Variants in DCAF13 observed in about 807,000 individuals in gnomAD.
The protein encoded by DCAF13 is DDB1 and CUL4 associated factor 13, also known as DDB1- and CUL4-associated factor 13.
In DCAF13, 38 loss-of-function variants were observed where a neutral mutation model predicts 59.0. The ratio of observed to expected loss-of-function variants is 0.64; its 90% CI spans 0.50 to 0.84. The LOEUF (loss-of-function observed/expected upper bound fraction) is 0.84. Among genes scored for constraint, DCAF13 ranks in the 40% least tolerant of loss-of-function variants. DCAF13 has a pLI of 0.00. For missense variants in DCAF13, 469 were observed against 558.4 expected (o/e 0.84, Z 1.61); for synonymous variants, 173 against 175.0 (o/e 0.99, Z 0.09).
At chr8:103,423,577 A>T (rs1816751529) in intron 3 of DCAF13, among the ~76,000 whole-genome samples, 1 of 152,170 alleles carries the variant, frequency 6.6e-6, no homozygotes, top group South Asian at 2.1e-4. Flanking sequence ...AAGAGACAAA[A>T]TTTCAAATAG....
At chr8:103,437,931 A>C (rs946106973) in intron 8 of DCAF13, among the ~76,000 whole-genome samples, 1 of 152,208 alleles carries the variant, frequency 6.6e-6, no homozygotes, top group Non-Finnish European at 1.5e-5. Flanking sequence ...GACTGTGTAT[A>C]TAAAGAATTT....
intron 8 of DCAF13, among the ~76,000 whole-genome samples, chr8:103,436,285 T>C (rs538859138): frequency 6.6e-6 from 1 of 152,322 alleles, no homozygotes; most frequent in Non-Finnish European, 1.5e-5. Context: ...TTTGTTATTT[T>C]TTACTTAGTC....
intron 10 of DCAF13, chr8:103,442,007 G>A (rs970780363): frequency 5.5e-5 from 9 of 162,258 alleles, no homozygotes; most frequent in African/African-American, 1.2e-4. Flanking sequence ...CCTCGTGATC[G>A]CCTGCCTCGG....
chr8:103,436,207 G>T (rs534584968), intron 8 of DCAF13, among the ~76,000 whole-genome samples: 1 of 151,820 alleles, frequency 6.6e-6, no homozygotes, highest in South Asian at 2.1e-4. Context: ...TTTCTGAGAG[G>T]GTACCTGAGT....
intron 1 of DCAF13, among the ~76,000 whole-genome samples, chr8:103,418,081 T>C (rs1454154430): frequency 1.3e-5 from 2 of 151,328 alleles, no homozygotes; most frequent in Non-Finnish European, 2.9e-5. Flanking sequence ...TGAGCCGAGA[T>C]TGCGCCACTG....
At chr8:103,417,637 GTCTCAAAAAAAAAAAAAAAAAAAGAAC>G (rs1816639586) in intron 1 of DCAF13, among the ~76,000 whole-genome samples, 2 of 118,898 alleles carry the variant, frequency 1.7e-5, no homozygotes, top group Non-Finnish European at 3.3e-5. Context: ...GGGAGACTCC[GTCTCAAAAAAAAAAAAAAAAAAAGAAC>G]ATCTTTAATT....
At chr8:103,416,841 ATTT>A (rs1468144798) in intron 1 of DCAF13, among the ~76,000 whole-genome samples, 4 of 152,198 alleles carry the variant, frequency 2.6e-5, no homozygotes, top group Admixed American at 2.6e-4. Flanking sequence ...ACATGAAGAG[ATTT>A]AGAAACAAAA....
At chr8:103,416,338 A>G (rs1816612545) in intron 1 of DCAF13, among the ~76,000 whole-genome samples, 1 of 152,252 alleles carries the variant, frequency 6.6e-6, no homozygotes, top group African/African-American at 2.4e-5. Context: ...AGTTTGTCAC[A>G]AGGCAGTAAT....
chr8:103,427,536 G>T (rs1183691736), intron 5 of DCAF13: 2 of 391,764 alleles, frequency 5.1e-6, no homozygotes, highest in African/African-American at 2.1e-5. Context: ...TTTAACTTTA[G>T]TTTTACTCAT....
intron 1 of DCAF13, among the ~76,000 whole-genome samples, chr8:103,416,769 C>G (rs555079466): frequency 4.6e-4 from 70 of 152,208 alleles, no homozygotes; most frequent in Admixed American, 3.9e-4. Flanking sequence ...TAAGACAGCA[C>G]CTAGCACATA....
intron 2 of DCAF13, 95 bp from the exon 3 acceptor site, chr8:103,420,880 C>A: frequency 1.1e-6 from 1 of 917,244 alleles, no homozygotes; most frequent in South Asian, 1.4e-5. Flanking sequence ...TTTTAGCTGC[C>A]CAGTAGAGTG....
intron 1 of DCAF13, among the ~76,000 whole-genome samples, chr8:103,416,281 C>T (rs1481213272): frequency 6.6e-6 from 1 of 152,192 alleles, no homozygotes; most frequent in Non-Finnish European, 1.5e-5. Flanking sequence ...ATATTATCAA[C>T]ATGTGTGTGA....
chr8:103,432,021 A>G (rs1816871660), intron 6 of DCAF13, among the ~76,000 whole-genome samples: 1 of 152,136 alleles, frequency 6.6e-6, no homozygotes, highest in Non-Finnish European at 1.5e-5. Context: ...ATTGTTAGAC[A>G]CTGCTACTTT....
chr8:103,424,739 C>T (rs1177429215), intron 3 of DCAF13, among the ~76,000 whole-genome samples: 1 of 152,074 alleles, frequency 6.6e-6, no homozygotes, highest in African/African-American at 2.4e-5. Context: ...TGCTCAGGGA[C>T]ACAGTTTATC....
chr8:103,441,235 G>T, intron 9 of DCAF13: 2 of 439,470 alleles, frequency 4.6e-6, no homozygotes, highest in Non-Finnish European at 8.0e-6. Flanking sequence ...TTTCTACTGG[G>T]TGGCATCTAT....
At chr8:103,438,085 GACTA>G (rs1286141723) in intron 8 of DCAF13, among the ~76,000 whole-genome samples, 2 of 152,154 alleles carry the variant, frequency 1.3e-5, no homozygotes, top group African/African-American at 4.8e-5. Flanking sequence ...TTACTTAAGT[GACTA>G]ACCGTTGGAT....
rs1586126717 is a variant in DCAF13 at position 103,421,230 on chromosome 8, A to G, written c.378+148A>G. 7.2e-6 allele frequency: 5 copies of G among 693,846 alleles called. No homozygotes were observed. In the East Asian group the frequency reaches 1.4e-4, roughly 19 times the overall value. The allele number at this position is 693,846 out of a possible 1,614,324, so 43.0% of individuals were successfully genotyped here. A position where few individuals can be genotyped will look rare whatever the true frequency, so the allele number is the denominator to read the frequency against. The stretch of plus-strand genomic sequence containing the variant: ...AATAGCTTATTAAACCTTGAAAATT[A>G]CTAGTTTTCTTTATATAATTCAGCC... On this transcript the variant is annotated intron_variant, in intron 3 of 10. Coordinates refer to ENST00000612750, the MANE Select transcript of DCAF13 (RefSeq NM_015420.7).
chr8:103,421,182 C>A, intron 3 of DCAF13, 100 bp downstream of exon 3: 1 of 838,754 alleles, frequency 1.2e-6, no homozygotes, highest in Non-Finnish European at 2.0e-6. Flanking sequence ...GTTCCTAGGC[C>A]CTTTTGGAGT....
At chr8:103,435,239 A>G (rs1252899693) in intron 7 of DCAF13, among the ~76,000 whole-genome samples, 7 of 152,306 alleles carry the variant, frequency 4.6e-5, no homozygotes, top group Non-Finnish European at 1.0e-4. Flanking sequence ...AAAGCTTTAC[A>G]TAACATTTCA....
Sources: gnomAD v4.1 joint callset for allele counts (sites outside exome capture counted in the v4.1 genomes callset) on GRCh38, gnomAD v4.1.1 for gene constraint, MANE v1.5 for transcripts, NCBI Gene and HGNC (gene_info 2026-07-23, HGNC 2026-07-21) for gene names.